The following CLSTN2 variants were observed in gnomAD, a reference collection of about 807,000 sequenced individuals.
CLSTN2 encodes the protein calsyntenin-2.
Under a neutral mutation model 101.2 loss-of-function variants are expected in CLSTN2, and 48 were observed. That is an observed-to-expected ratio of 0.47 (90% confidence interval 0.38 to 0.60). CLSTN2 has a LOEUF of 0.60. Among genes scored for constraint, CLSTN2 ranks in the 20% least tolerant of loss-of-function variants. The probability of loss-of-function intolerance (pLI) is 0.00; values close to 1 mark genes in which losing one functional copy is unlikely to be tolerated. For missense variants in CLSTN2, 1,160 were observed against 1,238.2 expected (o/e 0.94, Z 0.95); for synonymous variants, 481 against 463.6 (o/e 1.04, Z -0.48).
intron 1 of CLSTN2, among the ~76,000 whole-genome samples, chr3:140,172,750 C>A (rs1428466834): frequency 1.3e-5 from 2 of 152,132 alleles, no homozygotes; most frequent in East Asian, 3.9e-4. Context: ...TGCATGGCAA[C>A]AGGCAAAGAG....
At chr3:140,560,337 T>G (rs1238081189) in intron 12 of CLSTN2, among the ~76,000 whole-genome samples, 1 of 152,172 alleles carries the variant, frequency 6.6e-6, no homozygotes, top group African/African-American at 2.4e-5. Context: ...AGACAGGAGA[T>G]TCCCCCAACA....
chr3:140,405,001 T>C (rs1343355482), intron 4 of CLSTN2, among the ~76,000 whole-genome samples: 1 of 152,176 alleles, frequency 6.6e-6, no homozygotes, highest in Non-Finnish European at 1.5e-5. Context: ...ACTCACTCAA[T>C]GTAGTCTGTA....
At chr3:140,291,632 C>A (rs1335191238) in intron 2 of CLSTN2, among the ~76,000 whole-genome samples, 2 of 151,838 alleles carry the variant, frequency 1.3e-5, no homozygotes, top group Non-Finnish European at 2.9e-5. Flanking sequence ...CTGGCAACTT[C>A]CCCCATCTCC....
intron 2 of CLSTN2, among the ~76,000 whole-genome samples, chr3:140,226,197 G>A (rs2086318640): frequency 6.6e-6 from 1 of 152,200 alleles, no homozygotes; most frequent in Non-Finnish European, 1.5e-5. Flanking sequence ...AACATTTAGT[G>A]GTGCCAGAGA....
At chr3:140,384,628 C>T (rs1381491495) in intron 2 of CLSTN2, among the ~76,000 whole-genome samples, 1 of 152,134 alleles carries the variant, frequency 6.6e-6, no homozygotes, top group African/African-American at 2.4e-5. Flanking sequence ...TGGAGTCACA[C>T]CTGACAGGAA....
At chr3:140,018,702 T>C (rs993765220) in intron 1 of CLSTN2, among the ~76,000 whole-genome samples, 2 of 152,170 alleles carry the variant, frequency 1.3e-5, no homozygotes, top group African/African-American at 4.8e-5. Flanking sequence ...GTTCTTCCTC[T>C]GCAGAGTAAG....
chr3:140,371,568 G>A (rs1346261012), intron 2 of CLSTN2, among the ~76,000 whole-genome samples: 1 of 152,098 alleles, frequency 6.6e-6, no homozygotes, highest in African/African-American at 2.4e-5. Context: ...GGGCATGTTG[G>A]GTCTCAGTCC....
intron 1 of CLSTN2, among the ~76,000 whole-genome samples, chr3:140,070,399 G>T (rs1164788195): frequency 6.6e-6 from 1 of 152,198 alleles, no homozygotes; most frequent in Non-Finnish European, 1.5e-5. Flanking sequence ...TAAACTAGGA[G>T]GTTGACTCCT....
chr3:140,302,688 G>T (rs1280058078), intron 2 of CLSTN2, among the ~76,000 whole-genome samples: 2 of 152,208 alleles, frequency 1.3e-5, no homozygotes, highest in Non-Finnish European at 2.9e-5. Context: ...AGGTTGGAAT[G>T]GTTGGGGATG....
chr3:140,111,957 AAAAATGGGC>A (rs1331888467), intron 1 of CLSTN2, among the ~76,000 whole-genome samples: 28 of 152,194 alleles, frequency 1.8e-4, no homozygotes, highest in African/African-American at 4.8e-5. Flanking sequence ...AGTGGTCTGC[AAAAATGGGC>A]TTCAAATCCA....
chr3:139,946,145 C>T (rs967908258), intron 1 of CLSTN2, among the ~76,000 whole-genome samples: 2 of 152,104 alleles, frequency 1.3e-5, no homozygotes, highest in African/African-American at 4.8e-5. Flanking sequence ...AAATCCTGCC[C>T]TTAGGATGTA....
At chr3:139,939,537 A>G (rs1035085704) in intron 1 of CLSTN2, among the ~76,000 whole-genome samples, 1 of 152,218 alleles carries the variant, frequency 6.6e-6, no homozygotes. Flanking sequence ...TCCTGCCCAC[A>G]GAAGAGCACA....
chr3:139,982,784 C>T (rs1488493992), intron 1 of CLSTN2, among the ~76,000 whole-genome samples: 1 of 151,954 alleles, frequency 6.6e-6, no homozygotes, highest in Admixed American at 6.5e-5. Flanking sequence ...ATTATAGACT[C>T]AATAAAACTA....
At chr3:140,067,747 C>A (rs565362555) in intron 1 of CLSTN2, among the ~76,000 whole-genome samples, 55 of 152,266 alleles carry the variant, frequency 3.6e-4, no homozygotes, top group Admixed American at 9.8e-4. Context: ...CTGGGAGAGA[C>A]GGGGCTGCTT....
intron 8 of CLSTN2, 135 bp from the exon 9 acceptor site, chr3:140,532,189 G>C: frequency 1.7e-6 from 1 of 593,204 alleles, no homozygotes; most frequent in Non-Finnish European, 2.8e-6. Context: ...TATGTCAACT[G>C]TTATATTCCT....
intron 10 of CLSTN2, among the ~76,000 whole-genome samples, chr3:140,549,719 C>T (rs1318636116): frequency 6.7e-6 from 1 of 148,440 alleles, no homozygotes; most frequent in Admixed American, 6.7e-5. Flanking sequence ...TTTCCTCCCT[C>T]CCTTTACTCC....
intron 1 of CLSTN2, among the ~76,000 whole-genome samples, chr3:140,120,393 C>T (rs932664189): frequency 6.6e-6 from 1 of 152,156 alleles, no homozygotes; most frequent in East Asian, 1.9e-4. Context: ...CTATGTCCTC[C>T]CTGGGCATAG....
intron 8 of CLSTN2, among the ~76,000 whole-genome samples, chr3:140,503,543 G>A (rs901359312): frequency 2.0e-5 from 3 of 152,064 alleles, no homozygotes; most frequent in Non-Finnish European, 2.9e-5. Context: ...AGAAATAACC[G>A]AAGGACGCAT....
chr3:140,065,972 C>T (rs539320813), intron 1 of CLSTN2, among the ~76,000 whole-genome samples: 92 of 152,328 alleles, frequency 6.0e-4, no homozygotes, highest in African/African-American at 1.8e-3. Flanking sequence ...ATTTTGCATT[C>T]ACTACCCCAT....
Sources: allele counts gnomAD v4.1 joint callset (sites outside exome capture counted in the v4.1 genomes callset), GRCh38; gene constraint gnomAD v4.1.1; transcripts MANE v1.5; gene names NCBI Gene and HGNC (gene_info 2026-07-23, HGNC 2026-07-21).